GABRR3: variants seen among roughly 807,000 people sequenced by gnomAD.
The protein encoded by GABRR3 is gamma-aminobutyric acid receptor subunit rho-3.
GABRR3 carries 29 observed loss-of-function variants against 43.2 expected under a neutral mutation model. The ratio of observed to expected loss-of-function variants is 0.67; its 90% CI spans 0.50 to 0.92. The LOEUF is 0.92. Ranked by LOEUF, GABRR3 falls within the 40% of genes least tolerant of loss-of-function variation. The probability of loss-of-function intolerance (pLI) is 0.00; values close to 1 mark genes in which losing one functional copy is unlikely to be tolerated. For missense variants in GABRR3, 576 were observed against 572.3 expected (o/e 1.01, Z -0.07); for synonymous variants, 206 against 195.9 (o/e 1.05, Z -0.43).
intron 8 of GABRR3, among the ~76,000 whole-genome samples, chr3:97,994,232 T>C (rs1035111476): frequency 6.6e-6 from 1 of 152,242 alleles, no homozygotes; most frequent in African/African-American, 2.4e-5. Flanking sequence ...CACCTTTCTA[T>C]CCTTTCTGTA....
At chr3:97,992,563 T>G (rs1706485086) in intron 9 of GABRR3, among the ~76,000 whole-genome samples, 1 of 152,178 alleles carries the variant, frequency 6.6e-6, no homozygotes, top group South Asian at 2.1e-4. Context: ...GAATGTGGTT[T>G]GTATGTCAAC....
chr3:98,027,016 G>T (rs1430482651), intron 2 of GABRR3, among the ~76,000 whole-genome samples: 1 of 152,130 alleles, frequency 6.6e-6, no homozygotes, highest in Non-Finnish European at 1.5e-5. Flanking sequence ...AGAAGGCAAT[G>T]AGTTTTATTT....
At chr3:98,010,439 G>A (rs1197578257) in intron 5 of GABRR3, among the ~76,000 whole-genome samples, 6 of 152,088 alleles carry the variant, frequency 3.9e-5, no homozygotes, top group Non-Finnish European at 5.9e-5. Context: ...CCACATGGCT[G>A]ACCTTAGTCT....
rs78229375 is a variant in GABRR3, at chr3:98,024,388, A to G, written c.238+1179T>C. ...TCTCAAAAAAAAAAAAAAAAAAAAA[A>G]AAGAACAGGAACCACATGGATTTCA... On this transcript the variant is annotated intron_variant, in intron 3 of 9. Transcript: ENST00000621172. Among the ~76,000 whole-genome samples, 225 of 151,386 alleles carry G rather than the reference A, an allele frequency of 1.5e-3. 2 individuals are homozygous for G. The East Asian group carries it at 0.038, about 26-fold the overall frequency.
intron 9 of GABRR3, among the ~76,000 whole-genome samples, chr3:97,988,738 A>ATTTT (rs1706420027): frequency 6.9e-6 from 1 of 145,590 alleles, no homozygotes; most frequent in South Asian, 2.2e-4. Context: ...GGTGGTAGGT[A>ATTTT]TTGGTGTCTG....
chr3:98,014,163 T>G (rs1271247195), intron 4 of GABRR3, among the ~76,000 whole-genome samples: 1 of 152,196 alleles, frequency 6.6e-6, no homozygotes, highest in Non-Finnish European at 1.5e-5. Context: ...CAGTCCAGTT[T>G]TATCTGATAC....
At chr3:98,034,787 G>T in intron 2 of GABRR3, 76 bp downstream of exon 2, 1 of 1,552,756 alleles carries the variant, frequency 6.4e-7, no homozygotes, top group Non-Finnish European at 8.8e-7. Context: ...TACGTTTCCA[G>T]GTTTCCTGTA....
intron 7 of GABRR3, among the ~76,000 whole-genome samples, chr3:98,004,771 T>C (rs141554738): frequency 5.1e-4 from 77 of 151,974 alleles, no homozygotes; most frequent in Non-Finnish European, 9.3e-4. Context: ...GTCAGATGTA[T>C]AGTTTTTCTA....
chr3:98,028,875 G>A (rs1303449573), intron 2 of GABRR3, among the ~76,000 whole-genome samples: 3 of 152,048 alleles, frequency 2.0e-5, no homozygotes, highest in African/African-American at 7.2e-5. Flanking sequence ...ATAAAATGAA[G>A]GATGAAATAA....
intron 4 of GABRR3, 110 bp from the exon 5 acceptor site, chr3:98,012,677 G>A: frequency 2.9e-6 from 2 of 700,242 alleles, no homozygotes; most frequent in Admixed American, 2.6e-5. Context: ...TGACTTTTAA[G>A]TGAATGGTTA....
intron 5 of GABRR3, 33 bp from the exon 6 acceptor site, chr3:98,009,071 A>C: frequency 7.2e-7 from 1 of 1,393,438 alleles, no homozygotes; most frequent in Non-Finnish European, 1.0e-6. Context: ...AAAACTGCAG[A>C]TCATTTAACC....
At chr3:98,005,497 G>C (rs751521689) in intron 7 of GABRR3, among the ~76,000 whole-genome samples, 2 of 152,010 alleles carry the variant, frequency 1.3e-5, no homozygotes, top group African/African-American at 4.8e-5. Context: ...GAACGTTAAA[G>C]ATTTGTAAGT....
intron 8 of GABRR3, chr3:98,000,794 A>G (rs573937942): frequency 6.6e-6 from 1 of 152,220 alleles, no homozygotes; most frequent in African/African-American, 2.4e-5. Context: ...AATGAGGGGG[A>G]TCAGCCCTGA....
intron 3 of GABRR3, among the ~76,000 whole-genome samples, chr3:98,020,462 A>AG: frequency 6.6e-6 from 1 of 151,716 alleles, no homozygotes; most frequent in African/African-American, 2.4e-5. Flanking sequence ...ATCTTCAAAA[A>AG]AAAAAAAAAA....
At chr3:98,008,867 T>G in intron 6 of GABRR3, 89 bp downstream of exon 6, 1 of 577,146 alleles carries the variant, frequency 1.7e-6, no homozygotes, top group Non-Finnish European at 2.9e-6. Context: ...TATTTTAAAA[T>G]GTTTGTTAAG....
intron 9 of GABRR3, among the ~76,000 whole-genome samples, chr3:97,988,240 G>A (rs992590319): frequency 5.3e-5 from 8 of 151,718 alleles, no homozygotes; most frequent in Admixed American, 2.0e-4. Context: ...CCCAGAGACA[G>A]TATTTTATTT....
intron 7 of GABRR3, among the ~76,000 whole-genome samples, chr3:98,004,451 G>A: frequency 6.6e-6 from 1 of 152,074 alleles, no homozygotes; most frequent in East Asian, 1.9e-4. Context: ...TAGGCAGTCT[G>A]TTTCTACTAC....
At chr3:97,990,348 CTT>C (rs777800508) in intron 9 of GABRR3, among the ~76,000 whole-genome samples, 11 of 141,648 alleles carry the variant, frequency 7.8e-5, no homozygotes, top group Non-Finnish European at 9.4e-5. Flanking sequence ...AAGACTTCTT[CTT>C]TTTTTTTTTT....
chr3:98,018,241 G>A (rs116468865), intron 3 of GABRR3, among the ~76,000 whole-genome samples: 1,554 of 152,256 alleles, frequency 0.01, 22 homozygotes, highest in African/African-American at 0.036. Flanking sequence ...GGTTGGTGGA[G>A]TAGAGGAACA....
Sources: allele counts gnomAD v4.1 joint callset (sites outside exome capture counted in the v4.1 genomes callset), GRCh38; gene constraint gnomAD v4.1.1; transcripts MANE v1.5; gene names NCBI Gene and HGNC (gene_info 2026-07-23, HGNC 2026-07-21).